ARL8B: variants seen among roughly 807,000 people sequenced by gnomAD.
ARL8B encodes the protein ARF like GTPase 8B, also known as ADP-ribosylation factor-like protein 8B.
ARL8B carries 9 observed loss-of-function variants against 30.6 expected under a neutral mutation model. The observed-to-expected ratio is 0.29, with a 90% confidence interval of 0.18 to 0.51. The LOEUF (loss-of-function observed/expected upper bound fraction) is 0.51, where lower values mean the gene tolerates loss of function less well. Among genes scored for constraint, ARL8B ranks in the 20% least tolerant of loss-of-function variants. ARL8B has a pLI of 0.97. For synonymous variants in ARL8B, 74 were observed against 76.0 expected, an observed-to-expected ratio of 0.97 and a Z score of 0.14; for missense variants, 130 against 227.2, an observed-to-expected ratio of 0.57 and a Z score of 2.75.
At chr3:5,124,598 C>T (rs552027122) in intron 1 of ARL8B, among the ~76,000 whole-genome samples, 1 of 152,176 alleles carries the variant, frequency 6.6e-6, no homozygotes, top group African/African-American at 2.4e-5. Flanking sequence ...TCCCAAGTAG[C>T]TGGGACTACA....
intron 1 of ARL8B, among the ~76,000 whole-genome samples, chr3:5,167,278 G>C (rs1401598822): frequency 6.6e-6 from 1 of 152,080 alleles, no homozygotes; most frequent in African/African-American, 2.4e-5. Flanking sequence ...CATTTAAGAA[G>C]GCAGGCATGA....
intron 6 of ARL8B, among the ~76,000 whole-genome samples, chr3:5,174,629 ATCTC>A (rs149027177): frequency 4.1e-5 from 6 of 147,206 alleles, no homozygotes; most frequent in East Asian, 2.0e-4. Context: ...TTGCAATGTT[ATCTC>A]TCTCTCTCTC....
At chr3:5,147,142 A>C (rs1365772738) in intron 1 of ARL8B, among the ~76,000 whole-genome samples, 1 of 151,958 alleles carries the variant, frequency 6.6e-6, no homozygotes, top group East Asian at 1.9e-4. Flanking sequence ...CATTTACATT[A>C]GGATATCTCC....
chr3:5,154,686 TCACCCCAGCAC>T (rs1288610074), intron 1 of ARL8B, among the ~76,000 whole-genome samples: 3 of 152,114 alleles, frequency 2.0e-5, no homozygotes, highest in African/African-American at 7.2e-5. Flanking sequence ...AACTCCTCAT[TCACCCCAGCAC>T]CACCCTAGCA....
At chr3:5,163,840 A>C (rs1162163688) in intron 1 of ARL8B, among the ~76,000 whole-genome samples, 1 of 152,242 alleles carries the variant, frequency 6.6e-6, no homozygotes, top group Non-Finnish European at 1.5e-5. Context: ...ATTGCACTTC[A>C]TCCTGGGCGA....
chr3:5,170,369 G>A lies in ARL8B; in HGVS notation c.124-134G>A, dbSNP rs186589538. The A allele has an allele frequency of 8.2e-6, 4 of 485,404 alleles. No individual in the cohort carries two copies. In the Admixed American group the frequency reaches 1.6e-4, roughly 19 times the overall value. 30.1% of individuals were successfully genotyped at this position (485,404 alleles called of 1,614,324 possible). Reference sequence around the variant, plus strand: ...CAAGAATTATGGCCATAAGGAACATGTTCTTAAAGTAGATTGTTACCAATG... The same window carrying A: ...CAAGAATTATGGCCATAAGGAACATATTCTTAAAGTAGATTGTTACCAATG... On this transcript the variant is annotated intron_variant, in intron 1 of 6. Coordinates refer to ENST00000256496, the MANE Select transcript of ARL8B (RefSeq NM_018184.3).
chr3:5,133,544 G>A (rs770731573), intron 1 of ARL8B, among the ~76,000 whole-genome samples: 3 of 152,152 alleles, frequency 2.0e-5, no homozygotes, highest in Non-Finnish European at 4.4e-5. Context: ...TGAATGGTGG[G>A]GAATATGGTT....
intron 6 of ARL8B, among the ~76,000 whole-genome samples, chr3:5,175,110 T>C (rs1193596337): frequency 6.6e-6 from 1 of 152,150 alleles, no homozygotes; most frequent in African/African-American, 2.4e-5. Context: ...TATCAAACTC[T>C]TGAACAGCAA....
At chr3:5,153,420 C>T (rs2054503193) in intron 1 of ARL8B, among the ~76,000 whole-genome samples, 1 of 152,076 alleles carries the variant, frequency 6.6e-6, no homozygotes, top group Non-Finnish European at 1.5e-5. Flanking sequence ...TTGCCTGCTG[C>T]CATCCATGTA....
intron 1 of ARL8B, among the ~76,000 whole-genome samples, chr3:5,133,870 G>T (rs766891998): frequency 6.6e-6 from 1 of 152,194 alleles, no homozygotes; most frequent in Admixed American, 6.5e-5. Context: ...GAGTCCAGGA[G>T]GCTGCAGTGA....
Position 5,172,152 on chromosome 3 carries a change from C to A in ARL8B, c.207C>A (p.Ile69=). 1 of 1,612,882 alleles carries A rather than the reference C, an allele frequency of 6.2e-7. No homozygotes were observed. Among genetic ancestry groups the A allele is most frequent in the Non-Finnish European group, 8.5e-7 (1 of 1,179,238 alleles). ...AATTGCCTTGTTTTGATTTAAAGAT[C>A]TGGGACATAGGAGGACAACCCCGAT... ...KVTKGNVTIK[I]WDIGGQPRFR... is the part of the protein sequence containing the mutation. Residue 69 remains isoleucine, a splice_region_variant and synonymous_variant, in exon 3 of 7, where the codon ATC becomes ATA. Transcript: ENST00000256496.
At chr3:5,173,393 ACTTCTGG>A (rs1208488147) in intron 4 of ARL8B, among the ~76,000 whole-genome samples, 1 of 152,218 alleles carries the variant, frequency 6.6e-6, no homozygotes, top group Admixed American at 6.5e-5. Context: ...AATTCGAAAC[ACTTCTGG>A]TCCCAGGTAT....
chr3:5,171,308 A>T (rs1020857472), intron 2 of ARL8B, among the ~76,000 whole-genome samples: 1 of 152,186 alleles, frequency 6.6e-6, no homozygotes, highest in Non-Finnish European at 1.5e-5. Flanking sequence ...CACAATAATA[A>T]AATGATTATG....
chr3:5,126,139 A>G (rs1034967201), intron 1 of ARL8B, among the ~76,000 whole-genome samples: 4 of 151,720 alleles, frequency 2.6e-5, no homozygotes, highest in African/African-American at 7.3e-5. Context: ...TTTAACCTCA[A>G]GGCTCTAACC....
intron 1 of ARL8B, among the ~76,000 whole-genome samples, chr3:5,127,872 CAAAA>C (rs748657502): frequency 1.4e-3 from 15 of 10,582 alleles, no homozygotes; most frequent in Non-Finnish European, 2.2e-3. Context: ...GACTCCGTCT[CAAAA>C]AAAAAAAAAA....
At chr3:5,127,669 CA>C (rs2054241621) in intron 1 of ARL8B, among the ~76,000 whole-genome samples, 1 of 151,932 alleles carries the variant, frequency 6.6e-6, no homozygotes, top group Non-Finnish European at 1.5e-5. Context: ...AGAGGGAGAT[CA>C]AGACCATCCT....
At chr3:5,162,544 C>G (rs2054592105) in intron 1 of ARL8B, among the ~76,000 whole-genome samples, 1 of 152,074 alleles carries the variant, frequency 6.6e-6, no homozygotes, top group African/African-American at 2.4e-5. Context: ...TTTTGTTTAT[C>G]TGGGATGTTG....
chr3:5,171,756 C>CTT (rs2054678497), intron 2 of ARL8B, among the ~76,000 whole-genome samples: 1 of 152,198 alleles, frequency 6.6e-6, no homozygotes, highest in Non-Finnish European at 1.5e-5. Context: ...ACGATTAAGA[C>CTT]TTAATAGATT....
At chr3:5,145,591 T>C (rs1345298807) in intron 1 of ARL8B, among the ~76,000 whole-genome samples, 1 of 152,190 alleles carries the variant, frequency 6.6e-6, no homozygotes, top group Non-Finnish European at 1.5e-5. Context: ...TACAAACAGA[T>C]GGAATGGTTT....
Sources: allele counts gnomAD v4.1 joint callset (sites outside exome capture counted in the v4.1 genomes callset), GRCh38; gene constraint gnomAD v4.1.1; transcripts MANE v1.5; gene names NCBI Gene and HGNC (gene_info 2026-07-23, HGNC 2026-07-21).